Variants in MYO3A observed in about 807,000 individuals in gnomAD.
MYO3A encodes the protein myosin IIIA, also known as myosin-IIIa.
MYO3A carries 180 observed loss-of-function variants against 192.7 expected under a neutral mutation model. That is an observed-to-expected ratio of 0.93 (90% CI 0.83 to 1.06). The LOEUF is 1.06. MYO3A is among the 50% of genes least tolerant of loss of function. MYO3A has a pLI of 0.00. For missense variants in MYO3A, 1,896 were observed against 1,905.0 expected, an observed-to-expected ratio of 1.00 and a Z score of 0.09; for synonymous variants, 628 against 645.3, an observed-to-expected ratio of 0.97 and a Z score of 0.41.
intron 28 of MYO3A, among the ~76,000 whole-genome samples, chr10:26,169,410 G>C (rs1332118247): frequency 6.6e-6 from 1 of 152,162 alleles, no homozygotes; most frequent in Non-Finnish European, 1.5e-5. Context: ...GATAGAGCTT[G>C]TCACAGCCTA....
intron 4 of MYO3A, among the ~76,000 whole-genome samples, chr10:25,967,614 A>C (rs1838345350): frequency 6.6e-6 from 1 of 152,218 alleles, no homozygotes; most frequent in Non-Finnish European, 1.5e-5. Context: ...TATCAGAAGA[A>C]AAATCAGTCA....
intron 17 of MYO3A, among the ~76,000 whole-genome samples, chr10:26,099,234 T>C (rs1435977513): frequency 6.6e-6 from 1 of 152,200 alleles, no homozygotes; most frequent in Non-Finnish European, 1.5e-5. Flanking sequence ...TATATAGGAA[T>C]GGTTGTGATT....
chr10:26,047,777 T>TA (rs1478458998), intron 10 of MYO3A, among the ~76,000 whole-genome samples: 1 of 151,314 alleles, frequency 6.6e-6, no homozygotes, highest in Admixed American at 6.6e-5. Flanking sequence ...TCCATCTCAA[T>TA]AAAAAAATTA....
At chr10:26,053,580 C>T (rs560166951) in intron 10 of MYO3A, among the ~76,000 whole-genome samples, 15 of 152,272 alleles carry the variant, frequency 9.9e-5, no homozygotes, top group Admixed American at 9.2e-4. Flanking sequence ...AATCCCAGCA[C>T]TTTGGGAGGC....
chr10:25,999,917 CCA>C (rs1189795203), intron 6 of MYO3A, among the ~76,000 whole-genome samples: 2 of 152,202 alleles, frequency 1.3e-5, no homozygotes, highest in Admixed American at 6.5e-5. Context: ...TTAGATATCG[CCA>C]AATTCCATCT....
chr10:25,934,915 A>G (rs1835948676), intron 1 of MYO3A, among the ~76,000 whole-genome samples: 1 of 152,026 alleles, frequency 6.6e-6, no homozygotes, highest in Non-Finnish European at 1.5e-5. Context: ...AGGAAACGTA[A>G]GGGGAGGACC....
At chr10:26,196,931 TG>T (rs371679980) in intron 32 of MYO3A, among the ~76,000 whole-genome samples, 12 of 152,376 alleles carry the variant, frequency 7.9e-5, no homozygotes, top group Admixed American at 2.0e-4. Flanking sequence ...TTTATTTCTT[TG>T]TTAGGAACAT....
At chr10:26,079,527 T>G (rs1835792061) in intron 14 of MYO3A, among the ~76,000 whole-genome samples, 1 of 152,198 alleles carries the variant, frequency 6.6e-6, no homozygotes, top group Admixed American at 6.5e-5. Flanking sequence ...GATATACGGT[T>G]GCATTCATCA....
intron 4 of MYO3A, among the ~76,000 whole-genome samples, chr10:25,985,016 T>C (rs1042068974): frequency 6.6e-6 from 1 of 152,216 alleles, no homozygotes; most frequent in African/African-American, 2.4e-5. Context: ...GGCAGGCAGA[T>C]TGCCTGAGCT....
intron 31 of MYO3A, 151 bp downstream of exon 31, chr10:26,176,996 GT>G: frequency 2.3e-6 from 2 of 876,680 alleles, no homozygotes; most frequent in Non-Finnish European, 3.5e-6. Context: ...TGGAGATACA[GT>G]TTTTTTAGGA....
At chr10:26,049,499 A>G (rs930680845) in intron 10 of MYO3A, among the ~76,000 whole-genome samples, 2 of 152,122 alleles carry the variant, frequency 1.3e-5, no homozygotes, top group Admixed American at 6.6e-5. Context: ...TGATGGAAGG[A>G]GGAGGTTGAT....
At position 26,096,678 on chromosome 10, in the gene MYO3A, T is replaced by C. The variant is rs369621240; in HGVS notation, c.1772T>C (p.Met591Thr). The C allele has an allele frequency of 9.0e-6, 14 of 1,557,178 alleles. No individual in the cohort carries two copies. The highest frequency in any genetic ancestry group is 1.1e-5 in the Non-Finnish European group (12 of 1,128,430). Reference protein sequence around the residue: ...EQCFKVIGFTMEQLGSIYSIL... With the variant: ...EQCFKVIGFTTEQLGSIYSIL... ...TGTTTCAAAGTCATAGGTTTTACAA[T>C]GGAGGTAAGTATGAAAGACACTTGA... The change falls in exon 17 of 35, where the codon ATG (methionine) becomes ACG (threonine). Residue 591 changes from methionine to threonine, a missense_variant. Physicochemically the swap from Met to Thr is moderately conservative, Grantham distance 81. Coordinates refer to ENST00000642920, the MANE Select transcript of MYO3A (RefSeq NM_017433.5).
intron 17 of MYO3A, among the ~76,000 whole-genome samples, chr10:26,101,008 C>T (rs1588956217): frequency 6.6e-6 from 1 of 152,028 alleles, no homozygotes; most frequent in South Asian, 2.1e-4. Flanking sequence ...TTAAAGTCTC[C>T]CATTATTAAT....
At position 26,048,555 on chromosome 10, in the gene MYO3A, A is replaced by ATG. The variant is rs71508762; in HGVS notation, c.954-18403_954-18402dup. ...AGATTATATACATACATATATACAT[A>ATG]TGTGTGTGTGTGTGTGTGGTCTGTG... On this transcript the variant is annotated intron_variant, in intron 10 of 34. Transcript: ENST00000642920. 4.2e-3 allele frequency among the ~76,000 whole-genome samples: 635 copies of ATG among 150,674 alleles called. 10 individuals are homozygous for ATG. The highest frequency in any genetic ancestry group is 0.015 in the East Asian group (79 of 5,128).
rs137858948 is a variant in MYO3A at position 26,133,157 on chromosome 10, G to A, written c.2262+4619G>A. ...CTTTCTTCCCTATTAAGTCATATGTGTGCAAATGGTAACATTTGTCCCATT... is the reference window on the plus strand; with the variant it reads ...CTTTCTTCCCTATTAAGTCATATGTATGCAAATGGTAACATTTGTCCCATT... On this transcript the variant is annotated intron_variant, in intron 20 of 34. Transcript: ENST00000642920. Among the ~76,000 whole-genome samples, 9 of 152,242 alleles carry A rather than the reference G, an allele frequency of 5.9e-5. 1 individual carries two copies. The East Asian group carries it at 1.7e-3, about 29-fold the overall frequency.
At chr10:26,066,562 AT>A (rs1210332996) in intron 10 of MYO3A, among the ~76,000 whole-genome samples, 9 of 152,172 alleles carry the variant, frequency 5.9e-5, no homozygotes, top group African/African-American at 2.2e-4. Flanking sequence ...TTCCTGTTAA[AT>A]TTTGCTGAAT....
chr10:26,125,157 A>G (rs1839138581), intron 18 of MYO3A, among the ~76,000 whole-genome samples: 1 of 152,220 alleles, frequency 6.6e-6, no homozygotes, highest in East Asian at 1.9e-4. Flanking sequence ...TCTGCCAGCC[A>G]GTGTGATTTG....
In MYO3A at chr10:25,935,744, G is replaced by T. The variant is rs1391651267; in HGVS notation, c.-104G>T. On this transcript the variant is annotated splice_region_variant and 5_prime_UTR_variant, in exon 2 of 35. Coordinates refer to ENST00000642920, the MANE Select transcript of MYO3A (RefSeq NM_017433.5). ...ATGATCTTTTTGTTTTGGGTTACAG[G>T]CCCAGGGCCCCAGTGCAGCCTGGAC... The T allele has an allele frequency of 1.3e-5, 2 of 152,118 alleles. No individual in the cohort carries two copies. The highest frequency in any genetic ancestry group is 1.5e-5 in the Non-Finnish European group (1 of 68,024). The allele number at this position is 152,118 out of a possible 1,614,324, so 9.4% of individuals were successfully genotyped here.
intron 4 of MYO3A, among the ~76,000 whole-genome samples, chr10:25,991,621 T>A (rs1321559654): frequency 6.6e-6 from 1 of 152,226 alleles, no homozygotes; most frequent in Non-Finnish European, 1.5e-5. Context: ...TGCCTAGGTT[T>A]TCTCCTAGGG....
Sources: allele counts gnomAD v4.1 joint callset (sites outside exome capture counted in the v4.1 genomes callset), GRCh38; gene constraint gnomAD v4.1.1; transcripts MANE v1.5; gene names NCBI Gene and HGNC (gene_info 2026-07-23, HGNC 2026-07-21).